Variants in DNAJC15 observed in about 807,000 individuals in gnomAD.
The protein encoded by DNAJC15 is DnaJ heat shock protein family (Hsp40) member C15.
DNAJC15 carries 27 observed loss-of-function variants against 22.4 expected under a neutral mutation model. The observed-to-expected ratio is 1.20, with a 90% CI of 0.89 to 1.66. The LOEUF is 1.66. Among genes scored for constraint, DNAJC15 ranks in the 40% most tolerant of loss-of-function variants. The pLI is 0.00. For missense variants in DNAJC15, 208 were observed against 187.1 expected (o/e 1.11, Z -0.65); for synonymous variants, 79 against 63.2 (o/e 1.25, Z -1.19).
chr13:43,089,250 G>A (rs933923754), intron 5 of DNAJC15, among the ~76,000 whole-genome samples: 22 of 152,122 alleles, frequency 1.4e-4, no homozygotes, highest in African/African-American at 4.3e-4. Context: ...TATTTATTTA[G>A]CACCTACTAT....
chr13:43,055,341 C>T (rs1460724536), intron 1 of DNAJC15, among the ~76,000 whole-genome samples: 1 of 152,136 alleles, frequency 6.6e-6, no homozygotes, highest in Non-Finnish European at 1.5e-5. Flanking sequence ...GGCACCACCC[C>T]CGCCACCTGC....
chr13:43,077,855 T>C (rs986576088), intron 3 of DNAJC15, among the ~76,000 whole-genome samples: 6 of 152,346 alleles, frequency 3.9e-5, no homozygotes, highest in African/African-American at 1.4e-4. Context: ...CTAACCACTT[T>C]TATCACCTCC....
chr13:43,102,879 T>G (rs2040776863), intron 5 of DNAJC15, among the ~76,000 whole-genome samples: 1 of 152,258 alleles, frequency 6.6e-6, no homozygotes, highest in East Asian at 1.9e-4. Flanking sequence ...GTTTTCTTTC[T>G]CTTCTGTTTT....
intron 1 of DNAJC15, among the ~76,000 whole-genome samples, chr13:43,050,577 G>A (rs184583746): frequency 3.8e-4 from 57 of 151,880 alleles, no homozygotes; most frequent in African/African-American, 1.4e-3. Context: ...TCTTACTTCA[G>A]ATTACAAAAT....
At chr13:43,029,951 A>G (rs1013416271) in intron 1 of DNAJC15, among the ~76,000 whole-genome samples, 1 of 152,166 alleles carries the variant, frequency 6.6e-6, no homozygotes, top group Non-Finnish European at 1.5e-5. Context: ...TAAGTAGATT[A>G]GGGAAATGTT....
intron 1 of DNAJC15, among the ~76,000 whole-genome samples, chr13:43,031,836 C>A (rs2040405331): frequency 6.6e-6 from 1 of 152,190 alleles, no homozygotes; most frequent in African/African-American, 2.4e-5. Flanking sequence ...CTTTCCCCTT[C>A]AACTTCTTAA....
At chr13:43,045,477 G>A (rs989966681) in intron 1 of DNAJC15, among the ~76,000 whole-genome samples, 1 of 152,180 alleles carries the variant, frequency 6.6e-6, no homozygotes, top group African/African-American at 2.4e-5. Context: ...TTATATGAAA[G>A]GGTTGTGATT....
chr13:43,037,038 G>A (rs2040432053), intron 1 of DNAJC15, among the ~76,000 whole-genome samples: 1 of 152,230 alleles, frequency 6.6e-6, no homozygotes, highest in Non-Finnish European at 1.5e-5. Context: ...ACCCTGCCAA[G>A]CTGATAGGTG....
At chr13:43,078,795 G>A in intron 4 of DNAJC15, 107 bp downstream of exon 4, 1 of 852,364 alleles carries the variant, frequency 1.2e-6, no homozygotes, top group South Asian at 3.0e-5. Context: ...ATGAGTAGGT[G>A]GCAGAGGAGA....
At chr13:43,053,982 GT>G (rs1447657372) in intron 1 of DNAJC15, among the ~76,000 whole-genome samples, 18 of 152,204 alleles carry the variant, frequency 1.2e-4, no homozygotes, top group Admixed American at 7.9e-4. Context: ...GGGCATCCTT[GT>G]CTTGTTGCAG....
At chr13:43,092,794 G>T (rs939549455) in intron 5 of DNAJC15, among the ~76,000 whole-genome samples, 1 of 152,188 alleles carries the variant, frequency 6.6e-6, no homozygotes, top group Non-Finnish European at 1.5e-5. Flanking sequence ...CATGCCAGTT[G>T]TTCCAGCTAC....
chr13:43,025,112 G>C (rs577799002), intron 1 of DNAJC15, among the ~76,000 whole-genome samples: 1 of 152,076 alleles, frequency 6.6e-6, no homozygotes, highest in African/African-American at 2.4e-5. Context: ...TTAAGTAACT[G>C]GTCCAGGATC....
chr13:43,063,425 G>A (rs2040568778), intron 1 of DNAJC15, among the ~76,000 whole-genome samples: 1 of 152,124 alleles, frequency 6.6e-6, no homozygotes, highest in Non-Finnish European at 1.5e-5. Context: ...ACCCTGTAAC[G>A]TGTCAATACT....
At chr13:43,104,544 C>G (rs557212489) in intron 5 of DNAJC15, among the ~76,000 whole-genome samples, 4 of 152,008 alleles carry the variant, frequency 2.6e-5, no homozygotes, top group African/African-American at 7.2e-5. Flanking sequence ...AGACTTCTGG[C>G]CATATTTAGT....
In DNAJC15 at chr13:43,109,698, C is replaced by T. The variant is rs1288795421; in HGVS notation, c.*2450C>T. The T allele has an allele frequency of 6.6e-6, 1 of 152,034 alleles. No individual in the cohort carries two copies. Among genetic ancestry groups the T allele is most frequent in the African/African-American group, 2.4e-5 (1 of 41,382 alleles). The allele number at this position is 152,034 out of a possible 1,614,324, so 9.4% of individuals were successfully genotyped here. Reference sequence around the variant, plus strand: ...AAAATAGAGAAAATAATCCTACACACCGGGGCCTGTTGTGGGGCGGGGAGA... The same window carrying T: ...AAAATAGAGAAAATAATCCTACACATCGGGGCCTGTTGTGGGGCGGGGAGA... On this transcript the variant is annotated 3_prime_UTR_variant, in exon 6 of 6. Transcript: ENST00000379221.
chr13:43,038,285 A>C (rs185843033), intron 1 of DNAJC15, among the ~76,000 whole-genome samples: 1 of 152,352 alleles, frequency 6.6e-6, no homozygotes, highest in Admixed American at 6.5e-5. Context: ...TCAGTTCAGG[A>C]GATTGTTCAT....
At chr13:43,104,362 C>T (rs1313449502) in intron 5 of DNAJC15, among the ~76,000 whole-genome samples, 3 of 152,212 alleles carry the variant, frequency 2.0e-5, no homozygotes, top group Non-Finnish European at 4.4e-5. Context: ...ATGTTGGGCT[C>T]ATCATAGTGC....
intron 5 of DNAJC15, among the ~76,000 whole-genome samples, chr13:43,086,286 C>G (rs921789203): frequency 6.6e-6 from 1 of 152,172 alleles, no homozygotes; most frequent in Non-Finnish European, 1.5e-5. Context: ...GGCTCTGAGG[C>G]TGAGCCATTT....
At chr13:43,053,853 C>T (rs985491897) in intron 1 of DNAJC15, among the ~76,000 whole-genome samples, 1 of 149,212 alleles carries the variant, frequency 6.7e-6, no homozygotes, top group Non-Finnish European at 1.5e-5. Context: ...ATCATATCTT[C>T]AGCAAATAGT....
Sources: allele counts gnomAD v4.1 joint callset (sites outside exome capture counted in the v4.1 genomes callset), GRCh38; gene constraint gnomAD v4.1.1; transcripts MANE v1.5; gene names NCBI Gene and HGNC (gene_info 2026-07-23, HGNC 2026-07-21).